C2CD5: variants seen among roughly 807,000 people sequenced by gnomAD.
C2CD5 encodes the protein C2 calcium dependent domain containing 5.
A neutral mutation model predicts 130.3 loss-of-function variants in C2CD5; 109 were observed. The observed-to-expected ratio is 0.84, with a 90% CI of 0.72 to 0.98. C2CD5 has a LOEUF of 0.98. Among genes scored for constraint, C2CD5 ranks in the 50% least tolerant of loss-of-function variants. The pLI is 0.00. For synonymous variants in C2CD5, 454 were observed against 429.2 expected (o/e 1.06, Z -0.71); for missense variants, 996 against 1,261.8 (o/e 0.79, Z 3.19).
At chr12:22,455,886 T>C (rs1018732095) in intron 25 of C2CD5, among the ~76,000 whole-genome samples, 2 of 152,148 alleles carry the variant, frequency 1.3e-5, no homozygotes, top group Admixed American at 6.5e-5. Flanking sequence ...GGTTTCGTCA[T>C]GTTGGTCAGG....
At chr12:22,492,143 C>T (rs1946437728) in intron 11 of C2CD5, among the ~76,000 whole-genome samples, 1 of 152,014 alleles carries the variant, frequency 6.6e-6, no homozygotes, top group African/African-American at 2.4e-5. Context: ...TTCTTTTTCC[C>T]TAACAATAAG....
At chr12:22,518,682 CTCT>C (rs1319003780) in intron 7 of C2CD5, among the ~76,000 whole-genome samples, 3 of 152,202 alleles carry the variant, frequency 2.0e-5, no homozygotes, top group Admixed American at 2.0e-4. Flanking sequence ...TCCAATAGCT[CTCT>C]TCCACAGAAT....
Position 22,493,242 on chromosome 12 carries a change from T to C in C2CD5, c.1243A>G (p.Ser415Gly). The C allele has an allele frequency of 6.2e-7, 1 of 1,602,168 alleles. No individual in the cohort carries two copies. Among genetic ancestry groups the C allele is most frequent in the Non-Finnish European group, 8.5e-7 (1 of 1,170,320 alleles). The change falls in exon 11 of 27, where the codon AGT (serine) becomes GGT (glycine). Residue 415 changes from serine to glycine, a missense_variant. Ser to Gly is a moderately conservative substitution (Grantham distance 56). This residue lies in a region of C2CD5 where 590 missense variants were observed against 631.4 expected (regional missense o/e 0.93). Transcript: ENST00000446597. ...ATTTACCAGATGCTAGTTGATTCAC[T>C]GTAGCCCACTACAGCATGACAGCCT... ...ALGCHAVVGY[S>G]ESTSICEEVC... is the part of the protein sequence containing the mutation.
At chr12:22,523,075 G>A (rs139440800) in intron 7 of C2CD5, among the ~76,000 whole-genome samples, 44 of 152,026 alleles carry the variant, frequency 2.9e-4, no homozygotes, top group African/African-American at 9.4e-4. Context: ...TTAGCTGGGC[G>A]TGGTGGCCTG....
At chr12:22,502,621 T>G in intron 10 of C2CD5, 1 of 568,994 alleles carries the variant, frequency 1.8e-6, no homozygotes, top group Non-Finnish European at 3.1e-6. Context: ...TAGCACAGAA[T>G]ATTATCTGTA....
chr12:22,453,580 A>G (rs1035776130), intron 26 of C2CD5, among the ~76,000 whole-genome samples: 11 of 152,272 alleles, frequency 7.2e-5, no homozygotes, highest in East Asian at 1.9e-4. Context: ...AAACTAAAGG[A>G]TATCTTTAGC....
At chr12:22,503,434 T>C (rs1948061343) in intron 10 of C2CD5, among the ~76,000 whole-genome samples, 1 of 152,238 alleles carries the variant, frequency 6.6e-6, no homozygotes, top group Non-Finnish European at 1.5e-5. Flanking sequence ...TTAAGAGGCC[T>C]GGAGATCAGT....
chr12:22,517,692 T>A (rs1949874711), intron 8 of C2CD5, among the ~76,000 whole-genome samples: 1 of 152,212 alleles, frequency 6.6e-6, no homozygotes, highest in East Asian at 1.9e-4. Context: ...CAAAATGTTT[T>A]AAGATGTTAT....
At chr12:22,458,383 T>C (rs1490008507) in intron 24 of C2CD5, 101 bp downstream of exon 24, 3 of 450,736 alleles carry the variant, frequency 6.7e-6, no homozygotes, top group South Asian at 1.2e-4. Flanking sequence ...ACATGATGGA[T>C]TGGCAATGTT....
At chr12:22,512,198 T>A (rs2136849770) in intron 9 of C2CD5, among the ~76,000 whole-genome samples, 1 of 152,274 alleles carries the variant, frequency 6.6e-6, no homozygotes, top group Non-Finnish European at 1.5e-5. Context: ...AGGTAAACAG[T>A]GCATACACAG....
chr12:22,512,519 C>A, intron 9 of C2CD5: 10 of 598,876 alleles, frequency 1.7e-5, no homozygotes, highest in African/African-American at 3.9e-5. Context: ...AAAAAAAAAA[C>A]TTTGCATTAC....
At chr12:22,471,052 T>G (rs904822388) in intron 20 of C2CD5, 141 bp from the exon 21 acceptor site, 13 of 618,920 alleles carry the variant, frequency 2.1e-5, no homozygotes, top group Admixed American at 1.8e-4. Flanking sequence ...TATGTATAAA[T>G]TCAAATCATA....
chr12:22,533,846 G>T (rs1219899840), intron 3 of C2CD5, among the ~76,000 whole-genome samples: 1 of 152,172 alleles, frequency 6.6e-6, no homozygotes, highest in African/African-American at 2.4e-5. Context: ...TTCAACAAAT[G>T]TGCCCAAACA....
At chr12:22,529,627 T>C (rs567284399) in intron 3 of C2CD5, among the ~76,000 whole-genome samples, 1 of 152,284 alleles carries the variant, frequency 6.6e-6, no homozygotes, top group African/African-American at 2.4e-5. Context: ...CGCAAAATAT[T>C]ATAAATTAAG....
intron 7 of C2CD5, among the ~76,000 whole-genome samples, chr12:22,521,536 AGTAAATATT>A (rs1471293057): frequency 9.2e-5 from 14 of 152,160 alleles, no homozygotes; most frequent in African/African-American, 3.4e-4. Flanking sequence ...TTAATTTGCT[AGTAAATATT>A]TACTTAAATT....
intron 2 of C2CD5, 148 bp downstream of exon 2, chr12:22,543,913 G>A: frequency 1.6e-6 from 1 of 625,614 alleles, no homozygotes; most frequent in South Asian, 1.9e-5. Flanking sequence ...AGGTCTCGGC[G>A]GTCATCCCTC....
rs1482946645 is a variant in C2CD5 at position 22,457,111 on chromosome 12, G to A, written c.2737C>T (p.Arg913Cys). Residue 913 changes from arginine (R) to cysteine (C), a missense_variant, in exon 25 of 27, where the codon CGT (arginine) becomes TGT (cysteine). Physicochemically the swap from Arg to Cys is radical, Grantham distance 180. Transcript: ENST00000446597. ...SPVGDGNFRN[R>C]SAPPCANSTV... Reference sequence around the variant, plus strand: ...GAATTTGCACAAGGTGGAGCAGAACGATTCCGGAAATTTCCATCACCCACT... The same window carrying A: ...GAATTTGCACAAGGTGGAGCAGAACAATTCCGGAAATTTCCATCACCCACT... The A allele has an allele frequency of 5.6e-6, 9 of 1,610,634 alleles. No homozygotes were observed. The highest frequency in any genetic ancestry group is 2.2e-5 in the East Asian group (1 of 44,692).
rs1284897278 is a variant in C2CD5 at position 22,469,785 on chromosome 12, A to G, written c.2457T>C (p.Asp819=). The G allele has an allele frequency of 1.9e-6, 3 of 1,597,412 alleles. No homozygotes were observed. The highest frequency in any genetic ancestry group is 4.6e-5 in the East Asian group (2 of 43,606). ...GTGGAAATTGTAAAAGTTCTTCATT[A>G]TCTGTTGAGGCTAGAAAGGCAAGAA... The part of the protein sequence containing the change: ...VEKSLQRAST[D]NEELLQFPLE... The change falls in exon 22 of 27, where the codon GAT becomes GAC. Residue 819 remains aspartate, a synonymous_variant. Transcript: ENST00000446597.
At chr12:22,525,541 T>C in intron 5 of C2CD5, 69 bp downstream of exon 5, 1 of 825,802 alleles carries the variant, frequency 1.2e-6, no homozygotes, top group Non-Finnish European at 2.1e-6. Flanking sequence ...CCTTCTGAAA[T>C]GTTAACTTGA....
Sources: gnomAD v4.1 joint callset for allele counts (sites outside exome capture counted in the v4.1 genomes callset) on GRCh38, gnomAD v4.1.1 for gene constraint, gnomAD v4.1.1 regional missense constraint, MANE v1.5 for transcripts, NCBI Gene and HGNC (gene_info 2026-07-23, HGNC 2026-07-21) for gene names.